PCBP4: variants seen among roughly 807,000 people sequenced by gnomAD.
The protein encoded by PCBP4 is poly(rC)-binding protein 4.
Under a neutral mutation model 46.2 loss-of-function variants are expected in PCBP4, and 24 were observed. The observed-to-expected ratio is 0.52, with a 90% CI of 0.38 to 0.73. PCBP4 has a LOEUF of 0.73. Ranked by LOEUF, PCBP4 falls within the 30% of genes least tolerant of loss-of-function variation. The probability of loss-of-function intolerance (pLI) is 0.00; values close to 1 mark genes in which losing one functional copy is unlikely to be tolerated. For missense variants in PCBP4, 407 were observed against 537.0 expected, an observed-to-expected ratio of 0.76 and a Z score of 2.39; for synonymous variants, 203 against 224.4, an observed-to-expected ratio of 0.90 and a Z score of 0.85.
At chr3:51,966,737 G>A (rs968136754) in intron 1 of PCBP4, among the ~76,000 whole-genome samples, 10 of 151,958 alleles carry the variant, frequency 6.6e-5, no homozygotes, top group African/African-American at 1.7e-4. Context: ...GAGAGGAGGC[G>A]GGCACCTCCC....
Position 51,960,349 on chromosome 3 carries a change from T to G in PCBP4, c.256-29A>C. The G allele has an allele frequency of 6.2e-7, 1 of 1,606,722 alleles. No individual in the cohort carries two copies. Among genetic ancestry groups the G allele is most frequent in the Non-Finnish European group, 8.5e-7 (1 of 1,175,916 alleles). The stretch of plus-strand genomic sequence containing the variant: ...GGACAGGGAGACGGTGGGTTGGCCA[T>G]GCTCGTCCCTGCTATATCTGCCCAG... On this transcript the variant is annotated intron_variant, in intron 6 of 13. Coordinates refer to ENST00000461554, the MANE Select transcript of PCBP4 (RefSeq NM_001174100.2). This position sits in a 1 kb window ranked among gnomAD's most constrained non-coding sequence, Gnocchi z 5.0.
At position 51,958,530 on chromosome 3, in the gene PCBP4, G is replaced by A. The variant is rs745473939; in HGVS notation, c.924-181C>T. On this transcript the variant is annotated intron_variant, in intron 13 of 13. Transcript: ENST00000461554. The surrounding 1 kb of genome is among the most constrained non-coding windows in gnomAD (Gnocchi z 5.4). ...AAGAAAGGACAAGCAGATATAGCAC[G>A]AGGTGCAGGGAGAAATGGGGTGGCC... 3.3e-5 allele frequency among the ~76,000 whole-genome samples: 5 copies of A among 151,530 alleles called. No individual in the cohort carries two copies. The highest frequency in any genetic ancestry group is 2.0e-4 in the Admixed American group (3 of 15,198).
chr3:51,959,387 C>A lies in PCBP4; in HGVS notation c.616G>T (p.Gly206Trp), dbSNP rs1432585100. ...NQGFSVQGQY[G>W]AVTPAEVTKL... is the part of the protein sequence containing the mutation. ...CTCACCTCAGCTGGGGTCACAGCCC[C>A]ATACTGACCCTGGACAGAGAAGCCC... The change falls in exon 10 of 14, where the codon GGG (glycine) becomes TGG (tryptophan). Residue 206 changes from glycine (G) to tryptophan (W), a missense_variant. Physicochemically the swap from Gly to Trp is radical, Grantham distance 184 (BLOSUM62 -2). Transcript: ENST00000461554. The surrounding 1 kb of genome is among the most constrained non-coding windows in gnomAD (Gnocchi z 5.6). 6.2e-7 allele frequency: 1 copy of A among 1,611,708 alleles called. No homozygotes were observed. Among genetic ancestry groups the A allele is most frequent in the Non-Finnish European group, 8.5e-7 (1 of 1,178,636 alleles).
At position 51,961,946 on chromosome 3, in the gene PCBP4, G is replaced by A. The variant is rs1700201300; in HGVS notation, c.-70C>T. On this transcript the variant is annotated 5_prime_UTR_variant, in exon 2 of 14. Coordinates refer to ENST00000461554, the MANE Select transcript of PCBP4 (RefSeq NM_001174100.2). ...TGAGGCACACTCCCACCTACCAAAA[G>A]TCACTAGGGCAGAAGCTCACTACAG... The A allele has an allele frequency of 6.5e-6, 1 of 154,996 alleles. No homozygotes were observed. The highest frequency in any genetic ancestry group is 2.4e-5 in the African/African-American group (1 of 41,488). 9.6% of individuals were successfully genotyped at this position (154,996 alleles called of 1,614,324 possible). A position where few individuals can be genotyped will look rare whatever the true frequency, so the allele number is the denominator to read the frequency against.
rs983299573 is a variant in PCBP4 at position 51,958,964 on chromosome 3, A to C, written c.754-5T>G. ...CCCGATCACACAGCCAATCAACTAG[A>C]GGGAAGGCAGAATTCAGCCCTGGGT... On this transcript the variant is annotated splice_polypyrimidine_tract_variant and splice_region_variant and intron_variant, in intron 12 of 13. Coordinates refer to ENST00000461554, the MANE Select transcript of PCBP4 (RefSeq NM_001174100.2). This position sits in a 1 kb window ranked among gnomAD's most constrained non-coding sequence, Gnocchi z 5.4. 6.8e-6 allele frequency: 11 copies of C among 1,613,722 alleles called. No individual in the cohort carries two copies. Among genetic ancestry groups the C allele is most frequent in the Non-Finnish European group, 9.3e-6 (11 of 1,179,932 alleles).
At position 51,960,738 on chromosome 3, in the gene PCBP4, G is replaced by A. The variant is rs2106743326; in HGVS notation, c.139-96C>T. 6.9e-7 allele frequency: 1 copy of A among 1,452,406 alleles called. No individual in the cohort carries two copies. The highest frequency in any genetic ancestry group is 9.7e-7 in the Non-Finnish European group (1 of 1,033,068). 90.0% of individuals were successfully genotyped at this position (1,452,406 alleles called of 1,614,324 possible). On this transcript the variant is annotated intron_variant, in intron 5 of 13. Coordinates refer to ENST00000461554, the MANE Select transcript of PCBP4 (RefSeq NM_001174100.2). This position sits in a 1 kb window ranked among gnomAD's most constrained non-coding sequence, Gnocchi z 5.0. ...CCCCACTCACCAGGCCTGAGGCAAG[G>A]CTCAAAACTGCCACCCTCTGGGGGA...
At position 51,961,303 on chromosome 3, in the gene PCBP4, CT is replaced by C; in HGVS notation, c.-64del. Reference sequence around the variant, plus strand: ...TGTGTCCGCGCTGCAACCTGGCCGGCTCTGGCAGGGGCAGCCAAAGAGGGGT... The same window carrying C: ...TGTGTCCGCGCTGCAACCTGGCCGGCCTGGCAGGGGCAGCCAAAGAGGGGT... On this transcript the variant is annotated splice_region_variant and 5_prime_UTR_variant, in exon 3 of 14. The change abolishes the stop of an existing upstream ORF in the 5' untranslated region. Transcript: ENST00000461554. 6.4e-7 allele frequency: 1 copy of C among 1,564,976 alleles called. No homozygotes were observed.
Position 51,959,290 on chromosome 3 carries a change from G to A in PCBP4, c.639C>T (p.Val213=), listed in dbSNP as rs140252273. ...GGCTTGAGAGCTGCTGGAGCTTGGT[G>A]ACCTGTGCCAAAGAGGGGTCAGAGG... ...GQYGAVTPAE[V]TKLQQLSSHA... is the part of the protein sequence containing the mutation. Residue 213 remains valine (V), a splice_region_variant and synonymous_variant, in exon 11 of 14, where the codon GTC becomes GTT. Transcript: ENST00000461554. The surrounding 1 kb of genome is among the most constrained non-coding windows in gnomAD (Gnocchi z 5.6). The A allele has an allele frequency of 1.3e-3, 2,150 of 1,613,992 alleles. 54 individuals carry two copies. In the East Asian group the frequency reaches 0.043, roughly 32 times the overall value.
chr3:51,966,965 G>A (rs1269212737), intron 1 of PCBP4, among the ~76,000 whole-genome samples: 1 of 152,190 alleles, frequency 6.6e-6, no homozygotes, highest in Admixed American at 6.5e-5. Flanking sequence ...GGATGGGAAG[G>A]AGTGTGTGCC....
chr3:51,961,083 C>T, intron 3 of PCBP4, 50 bp from the exon 4 acceptor site: 1 of 1,614,064 alleles, frequency 6.2e-7, no homozygotes, highest in African/African-American at 1.3e-5. Flanking sequence ...CCAGGCCCAG[C>T]CCCTCCCCAC....
chr3:51,963,256 G>A (rs566409486), intron 1 of PCBP4: 2 of 152,380 alleles, frequency 1.3e-5, no homozygotes, highest in African/African-American at 4.8e-5. Context: ...CAAGGTCACA[G>A]AGAGGTGGGA....
rs774636520 is a variant in PCBP4 at position 51,961,654 on chromosome 3, A to G, written c.-65+287T>C. On this transcript the variant is annotated intron_variant, in intron 2 of 13. Transcript: ENST00000461554. ...AAAGAAATAATTAACTAGGAAGCCTATGGGAGTCAGGAGGAGAGCCTCCTC... is the reference window on the plus strand; with the variant it reads ...AAAGAAATAATTAACTAGGAAGCCTGTGGGAGTCAGGAGGAGAGCCTCCTC... The G allele has an allele frequency of 4.2e-4, 241 of 568,738 alleles. 3 individuals carry two copies. The highest frequency in any genetic ancestry group is 1.8e-3 in the Middle Eastern group (2 of 1,134). 35.2% of individuals were successfully genotyped at this position (568,738 alleles called of 1,614,324 possible). A position where few individuals can be genotyped will look rare whatever the true frequency, so the allele number is the denominator to read the frequency against.
intron 1 of PCBP4, among the ~76,000 whole-genome samples, chr3:51,962,601 A>C (rs1377586598): frequency 6.6e-6 from 1 of 151,760 alleles, no homozygotes; most frequent in Admixed American, 6.6e-5. Flanking sequence ...AGCTTGGAAC[A>C]CTCCAGAAGT....
In PCBP4 at chr3:51,960,512, G is replaced by A. The variant is rs1700098293; in HGVS notation, c.255+14C>T. ...GGAACCACTCTTGGCGTCCTGCCCT[G>A]GCCAGCCACGGACCTCATCCAGTTT... On this transcript the variant is annotated intron_variant, in intron 6 of 13. Transcript: ENST00000461554. This position sits in a 1 kb window ranked among gnomAD's most constrained non-coding sequence, Gnocchi z 5.0. 6.2e-7 allele frequency: 1 copy of A among 1,601,262 alleles called. No homozygotes were observed. The highest frequency in any genetic ancestry group is 1.1e-5 in the South Asian group (1 of 90,784).
At chr3:51,961,685 C>A in intron 2 of PCBP4, 1 of 925,766 alleles carries the variant, frequency 1.1e-6, no homozygotes, top group Non-Finnish European at 1.3e-6. Context: ...TCCTCCCTGA[C>A]CTCTTGGAAG....
rs368578566 is a variant in PCBP4 at position 51,958,938 on chromosome 3, G to A, written c.775C>T (p.Arg259Cys). ...ATCTCGCTGATCTTGCTGCCCTGGC[G>A]CCCGATCACACAGCCAATCAACTAG... The part of the protein sequence containing the change: ...PNDLIGCVIG[R>C]QGSKISEIRQ... The change falls in exon 13 of 14, where the codon CGC (arginine) becomes TGC (cysteine). Residue 259 changes from arginine (R) to cysteine (C), a missense_variant. Transcript: ENST00000461554. This position sits in a 1 kb window ranked among gnomAD's most constrained non-coding sequence, Gnocchi z 5.4. 3.7e-5 allele frequency: 59 copies of A among 1,613,780 alleles called. No homozygotes were observed. The highest frequency in any genetic ancestry group is 5.0e-5 in the Admixed American group (3 of 59,982).
chr3:51,963,620 A>C (rs1700282019), intron 1 of PCBP4, among the ~76,000 whole-genome samples: 1 of 152,210 alleles, frequency 6.6e-6, no homozygotes, highest in Non-Finnish European at 1.5e-5. Context: ...GAACATGGCC[A>C]GAACTAGAGC....
intron 1 of PCBP4, among the ~76,000 whole-genome samples, chr3:51,964,487 C>A (rs570955858): frequency 6.6e-6 from 1 of 152,308 alleles, no homozygotes; most frequent in South Asian, 2.1e-4. Flanking sequence ...TGTGGACCCA[C>A]CTGGGCTTCA....
Position 51,959,168 on chromosome 3 carries a change from G to C in PCBP4, c.700+61C>G. 6.2e-7 allele frequency: 1 copy of C among 1,610,804 alleles called. No individual in the cohort carries two copies. Among genetic ancestry groups the C allele is most frequent in the South Asian group, 1.1e-5 (1 of 91,032 alleles). ...CGCCCCACCATTTCCACTCTCCCTG[G>C]AAGGGAGGGGGCTGCCCTCTTAGGA... On this transcript the variant is annotated intron_variant, in intron 11 of 13. Coordinates refer to ENST00000461554, the MANE Select transcript of PCBP4 (RefSeq NM_001174100.2). This position sits in a 1 kb window ranked among gnomAD's most constrained non-coding sequence, Gnocchi z 5.6.
Sources: gnomAD v4.1 joint callset for allele counts (sites outside exome capture counted in the v4.1 genomes callset) on GRCh38, gnomAD v4.1.1 for gene constraint, Gnocchi (gnomAD v3.1) non-coding constraint, MANE v1.5 for transcripts, NCBI Gene and HGNC (gene_info 2026-07-23, HGNC 2026-07-21) for gene names.